KCNIP4: variants seen among roughly 807,000 people sequenced by gnomAD.
KCNIP4 encodes potassium voltage-gated channel interacting protein 4.
In KCNIP4, 12 loss-of-function variants were observed where a neutral mutation model predicts 34.0. The observed-to-expected ratio is 0.35, with a 90% CI of 0.23 to 0.57. KCNIP4 has a LOEUF of 0.57. KCNIP4 is among the 20% of genes least tolerant of loss of function. KCNIP4 has a pLI of 0.83. For missense variants in KCNIP4, 238 were observed against 311.7 expected (o/e 0.76, Z 1.78); for synonymous variants, 124 against 102.2 (o/e 1.21, Z -1.29).
chr4:21,556,886 AC>A (rs1739063927), intron 1 of KCNIP4, among the ~76,000 whole-genome samples: 1 of 140,182 alleles, frequency 7.1e-6, no homozygotes. Context: ...ACGCCACTGC[AC>A]TCCAGCCTGA....
At chr4:21,864,114 C>A (rs1725271482) in intron 1 of KCNIP4, among the ~76,000 whole-genome samples, 1 of 152,174 alleles carries the variant, frequency 6.6e-6, no homozygotes, top group Admixed American at 6.5e-5. Context: ...CCCATGAACT[C>A]ATTGTCATAA....
intron 1 of KCNIP4, among the ~76,000 whole-genome samples, chr4:21,056,174 G>A (rs1379852815): frequency 6.6e-6 from 1 of 152,118 alleles, no homozygotes; most frequent in Non-Finnish European, 1.5e-5. Context: ...TGGAACCTAG[G>A]TAGTCTGAAG....
chr4:20,867,658 C>T (rs1723009548), intron 2 of KCNIP4, among the ~76,000 whole-genome samples: 1 of 151,970 alleles, frequency 6.6e-6, no homozygotes, highest in Non-Finnish European at 1.5e-5. Context: ...TGTAACAAAA[C>T]AAAAATAGAC....
chr4:20,827,606 C>T (rs1717912573), intron 3 of KCNIP4, among the ~76,000 whole-genome samples: 1 of 152,042 alleles, frequency 6.6e-6, no homozygotes, highest in Non-Finnish European at 1.5e-5. Context: ...CAACACTAAC[C>T]ATGTACAGAG....
At chr4:21,897,348 A>G (rs1727454289) in intron 1 of KCNIP4, among the ~76,000 whole-genome samples, 2 of 152,186 alleles carry the variant, frequency 1.3e-5, no homozygotes, top group African/African-American at 4.8e-5. Flanking sequence ...TAATTTACAT[A>G]CCAACTTAAT....
At chr4:20,975,924 T>C (rs1337229048) in intron 1 of KCNIP4, among the ~76,000 whole-genome samples, 5 of 152,208 alleles carry the variant, frequency 3.3e-5, no homozygotes, top group Non-Finnish European at 7.3e-5. Flanking sequence ...CAATGTTTTA[T>C]TAGAACATGG....
intron 3 of KCNIP4, among the ~76,000 whole-genome samples, chr4:20,843,321 A>G (rs553410305): frequency 2.1e-4 from 32 of 152,332 alleles, no homozygotes; most frequent in African/African-American, 7.5e-4. Flanking sequence ...AACTAACAGT[A>G]GTTACCTCTA....
intron 1 of KCNIP4, among the ~76,000 whole-genome samples, chr4:21,344,686 C>T (rs553138538): frequency 6.6e-6 from 1 of 152,258 alleles, no homozygotes; most frequent in South Asian, 2.1e-4. Context: ...TAAAGCATCA[C>T]AAAATCCCCG....
chr4:20,759,356 T>A, intron 3 of KCNIP4, among the ~76,000 whole-genome samples: 1 of 152,166 alleles, frequency 6.6e-6, no homozygotes, highest in East Asian at 1.9e-4. Context: ...CAACCAGTAA[T>A]AGATACTAAT....
Position 21,785,619 on chromosome 4 carries a change from T to TAAATAAATAAAATAAAATA in KCNIP4, c.61+162951_61+162952insTATTTTATTTTATTTATTT, listed in dbSNP as rs1560712838. Among the ~76,000 whole-genome samples the TAAATAAATAAAATAAAATA allele has an allele frequency of 8.5e-3, 1,043 of 122,460 alleles. 13 individuals are homozygous for TAAATAAATAAAATAAAATA. Among genetic ancestry groups the TAAATAAATAAAATAAAATA allele is most frequent in the African/African-American group, 0.046 (992 of 21,534 alleles). 80.3% of individuals were successfully genotyped at this position (122,460 alleles called of 152,430 possible). On this transcript the variant is annotated intron_variant, in intron 1 of 8. Transcript: ENST00000382152. The stretch of plus-strand genomic sequence containing the variant: ...TAAATAAATAAATAAATAAATAAAA[T>TAAATAAATAAAATAAAATA]AAAAAAATAACCATGAGCTATTATC...
chr4:21,869,520 A>C (rs1725632520), intron 1 of KCNIP4, among the ~76,000 whole-genome samples: 1 of 152,124 alleles, frequency 6.6e-6, no homozygotes, highest in African/African-American at 2.4e-5. Context: ...AAAACCTTTC[A>C]AGTCCCCTAT....
At chr4:21,558,723 C>A (rs1054732795) in intron 1 of KCNIP4, among the ~76,000 whole-genome samples, 1 of 152,052 alleles carries the variant, frequency 6.6e-6, no homozygotes, top group African/African-American at 2.4e-5. Context: ...AGAAAAATAA[C>A]TATTTCTTGC....
At chr4:21,536,106 G>A (rs73801665) in intron 1 of KCNIP4, among the ~76,000 whole-genome samples, 13,774 of 152,104 alleles carry the variant, frequency 0.091, 946 homozygotes, top group Admixed American at 0.17. Flanking sequence ...TAAGAGACAG[G>A]AAGGTTCAGC....
chr4:21,002,568 C>G (rs150243374), intron 1 of KCNIP4, among the ~76,000 whole-genome samples: 2 of 152,078 alleles, frequency 1.3e-5, no homozygotes, highest in African/African-American at 4.8e-5. Context: ...CAATTCAGAA[C>G]GGGGTTGTCT....
chr4:21,195,276 G>T (rs2109359178), intron 1 of KCNIP4, among the ~76,000 whole-genome samples: 1 of 152,320 alleles, frequency 6.6e-6, no homozygotes, highest in East Asian at 1.9e-4. Context: ...ACAGATAACT[G>T]AAGGAGATGA....
chr4:21,288,461 ATAAT>A (rs1192983699), intron 1 of KCNIP4, among the ~76,000 whole-genome samples: 1 of 152,244 alleles, frequency 6.6e-6, no homozygotes, highest in Non-Finnish European at 1.5e-5. Context: ...ATTTTGGAAA[ATAAT>A]TGACAGTTAT....
chr4:20,763,448 C>A (rs1350310335), intron 3 of KCNIP4, among the ~76,000 whole-genome samples: 1 of 152,102 alleles, frequency 6.6e-6, no homozygotes, highest in Non-Finnish European at 1.5e-5. Flanking sequence ...CTGTGTCATC[C>A]AGAAGGAGGA....
At chr4:21,867,534 T>A (rs1425136330) in intron 1 of KCNIP4, among the ~76,000 whole-genome samples, 1 of 152,124 alleles carries the variant, frequency 6.6e-6, no homozygotes, top group Non-Finnish European at 1.5e-5. Context: ...TTAAAACAGA[T>A]CACACTAGAG....
At chr4:21,151,406 ATTTTTTTTTTTT>A (rs35983306) in intron 1 of KCNIP4, among the ~76,000 whole-genome samples, 1 of 51,276 alleles carries the variant, frequency 2.0e-5, no homozygotes, top group African/African-American at 6.1e-5. Flanking sequence ...ACAAAAGACA[ATTTTTTTTTTTT>A]TTTTTTTTTT....
Sources: gnomAD v4.1 joint callset for allele counts (sites outside exome capture counted in the v4.1 genomes callset) on GRCh38, gnomAD v4.1.1 for gene constraint, MANE v1.5 for transcripts, NCBI Gene and HGNC (gene_info 2026-07-23, HGNC 2026-07-21) for gene names.